Variants in KNG1 observed in about 807,000 individuals in gnomAD.
KNG1 encodes kininogen-1.
KNG1 carries 23 observed loss-of-function variants against 47.8 expected under a neutral mutation model. The observed-to-expected ratio is 0.48, with a 90% CI of 0.35 to 0.68. KNG1 has a LOEUF of 0.68. KNG1 is among the 30% of genes least tolerant of loss of function. The pLI is 0.01. For missense variants in KNG1, 762 were observed against 790.2 expected, an observed-to-expected ratio of 0.96 and a Z score of 0.43; for synonymous variants, 277 against 277.0, an observed-to-expected ratio of 1.00 and a Z score of 0.00.
At position 186,742,032 on chromosome 3, in the gene KNG1, A is replaced by G; in HGVS notation, c.1636A>G (p.Thr546Ala). Residue 546 changes from threonine (T) to alanine (A), a missense_variant, in exon 10 of 10, where the codon ACA (threonine) becomes GCA (alanine). Physicochemically the swap from Thr to Ala is moderately conservative, Grantham distance 58 (BLOSUM62 0). Transcript: ENST00000644859. Reference sequence around the variant, plus strand: ...GACACAAGAGAAGACAGAAGGGCCAACACCCATCCCTTCCCTAGCCAAGCC... The same window carrying G: ...GACACAAGAGAAGACAGAAGGGCCAGCACCCATCCCTTCCCTAGCCAAGCC... ...AQTQEKTEGP[T>A]PIPSLAKPGV... 1 of 1,614,116 alleles carries G rather than the reference A, an allele frequency of 6.2e-7. No individual in the cohort carries two copies. Among genetic ancestry groups the G allele is most frequent in the Non-Finnish European group, 8.5e-7 (1 of 1,179,964 alleles).
At chr3:186,727,042 T>TGTG (rs376637646) in intron 4 of KNG1, among the ~76,000 whole-genome samples, 195 bp from the exon 5 acceptor site, 40,613 of 143,788 alleles carry the variant, frequency 0.28, 6,338 homozygotes, top group Middle Eastern at 0.42. Context: ...GTGTGTGTGT[T>TGTG]TGTGTGAGAG....
chr3:186,730,470 A>G (rs1418154117), intron 5 of KNG1, among the ~76,000 whole-genome samples: 1 of 151,448 alleles, frequency 6.6e-6, no homozygotes, highest in Non-Finnish European at 1.5e-5. Context: ...CCTGGCCAAC[A>G]TGGCAAAACC....
Position 186,741,532 on chromosome 3 carries a change from T to A in KNG1, c.1136T>A (p.Met379Lys), listed in dbSNP as rs765933558. 1 of 1,609,962 alleles carries A rather than the reference T, an allele frequency of 6.2e-7. No individual in the cohort carries two copies. ...ATATTTTCTGTTTAGATCTCACTGA[T>A]GAAAAGGCCTCCAGGTTTTTCACCT... is the stretch of plus-strand genomic sequence containing the variant. ...NCQPLGMISLMKRPPGFSPFR... is the reference protein window; with the variant it reads ...NCQPLGMISLKKRPPGFSPFR... Residue 379 changes from methionine (M) to lysine (K), a missense_variant, in exon 10 of 10, where the codon ATG (methionine) becomes AAG (lysine). Met to Lys is a moderately conservative substitution (Grantham distance 95, BLOSUM62 -1). Coordinates refer to ENST00000644859, the MANE Select transcript of KNG1 (RefSeq NM_001102416.3).
rs774342747 is a variant in KNG1 at position 186,725,235 on chromosome 3, A to G, written c.539A>G (p.Asn180Ser). The G allele has an allele frequency of 6.2e-7, 1 of 1,614,150 alleles. No homozygotes were observed. ...NTQHSSLFML[N>S]EVKRAQRQVV... ...CAACATTCCTCCCTCTTCATGCTTAATGAAGTAAAACGGGCCCAAAGACAG... is the reference window on the plus strand; with the variant it reads ...CAACATTCCTCCCTCTTCATGCTTAGTGAAGTAAAACGGGCCCAAAGACAG... Residue 180 changes from asparagine (N) to serine (S), a missense_variant, in exon 4 of 10, where the codon AAT (asparagine) becomes AGT (serine). By Grantham distance (46) the Asn-to-Ser change is conservative. Coordinates refer to ENST00000644859, the MANE Select transcript of KNG1 (RefSeq NM_001102416.3).
intron 7 of KNG1, 131 bp from the exon 8 acceptor site, chr3:186,738,968 T>C: frequency 6.5e-6 from 5 of 768,492 alleles, no homozygotes; most frequent in Non-Finnish European, 1.1e-5. Flanking sequence ...GCCAAACGTG[T>C]ACTTTTTTGT....
At position 186,741,826 on chromosome 3, in the gene KNG1, T is replaced by G. The variant is rs1188797150; in HGVS notation, c.1430T>G (p.Phe477Cys). 7 of 1,613,646 alleles carry G rather than the reference T, an allele frequency of 4.3e-6. No homozygotes were observed. The highest frequency in any genetic ancestry group is 4.5e-5 in the East Asian group (2 of 44,888). ...QQHGLGHGHK[F>C]KLDDDLEHQG... ...CATGGTCTTGGTCATGGACATAAGT[T>G]CAAACTTGATGATGATCTTGAACAC... The change falls in exon 10 of 10, where the codon TTC (phenylalanine) becomes TGC (cysteine). Residue 477 changes from phenylalanine (F) to cysteine (C), a missense_variant. Transcript: ENST00000644859.
At chr3:186,720,805 T>TTGG (rs1553790785) in intron 2 of KNG1, among the ~76,000 whole-genome samples, 1 of 139,986 alleles carries the variant, frequency 7.1e-6, no homozygotes, top group African/African-American at 2.8e-5. Flanking sequence ...TTTTTTTTTT[T>TTGG]TTGAGCCAGA....
At chr3:186,722,226 C>A in intron 2 of KNG1, 1 of 556,724 alleles carries the variant, frequency 1.8e-6, no homozygotes, top group Admixed American at 3.0e-5. Context: ...CACTGTCTTT[C>A]CTCCAGCATC....
At chr3:186,731,476 C>A in intron 5 of KNG1, 69 bp from the exon 6 acceptor site, 1 of 874,208 alleles carries the variant, frequency 1.1e-6, no homozygotes, top group Non-Finnish European at 1.9e-6. Flanking sequence ...TTCAATTTTA[C>A]TAGTTGTTTA....
At chr3:186,729,706 C>T (rs1422298684) in intron 5 of KNG1, among the ~76,000 whole-genome samples, 1 of 148,728 alleles carries the variant, frequency 6.7e-6, no homozygotes, top group Non-Finnish European at 1.5e-5. Flanking sequence ...GAGTTTTGGT[C>T]TTGTTGCCCA....
At chr3:186,740,258 G>T (rs1720773497) in intron 9 of KNG1, among the ~76,000 whole-genome samples, 1 of 152,112 alleles carries the variant, frequency 6.6e-6, no homozygotes, top group Non-Finnish European at 1.5e-5. Flanking sequence ...AAATTAGAAA[G>T]ACTCTGAGGT....
At chr3:186,719,874 C>G (rs1436155307) in intron 1 of KNG1, among the ~76,000 whole-genome samples, 1 of 152,088 alleles carries the variant, frequency 6.6e-6, no homozygotes, top group African/African-American at 2.4e-5. Flanking sequence ...CCAGTTTTGA[C>G]AAAAATGGGC....
Position 186,741,871 on chromosome 3 carries a change from A to G in KNG1, c.1475A>G (p.Asp492Gly). ...DLEHQGGHVLDHGHKHKHGHG... is the reference protein window; with the variant it reads ...DLEHQGGHVLGHGHKHKHGHG... ...GAACACCAAGGGGGCCATGTCCTTGACCATGGACATAAGCATAAGCATGGT... is the reference window on the plus strand; with the variant it reads ...GAACACCAAGGGGGCCATGTCCTTGGCCATGGACATAAGCATAAGCATGGT... Residue 492 changes from aspartate to glycine, a missense_variant, in exon 10 of 10, where the codon GAC becomes GGC. Transcript: ENST00000644859. 2 of 1,613,844 alleles carry G rather than the reference A, an allele frequency of 1.2e-6. No individual in the cohort carries two copies. Among genetic ancestry groups the G allele is most frequent in the Non-Finnish European group, 1.7e-6 (2 of 1,179,778 alleles).
chr3:186,742,728 A>C lies in KNG1; in HGVS notation c.*397A>C. The C allele has an allele frequency of 9.6e-7, 1 of 1,039,306 alleles. No homozygotes were observed. Among genetic ancestry groups the C allele is most frequent in the Non-Finnish European group, 1.2e-6 (1 of 863,544 alleles). 64.4% of individuals were successfully genotyped at this position (1,039,306 alleles called of 1,614,324 possible). ...TGGTATTTGAATGTGTGTGAAAATAAGGGAAGTCAAGAGATTAAATGCTGA... is the reference window on the plus strand; with the variant it reads ...TGGTATTTGAATGTGTGTGAAAATACGGGAAGTCAAGAGATTAAATGCTGA... On this transcript the variant is annotated 3_prime_UTR_variant, in exon 10 of 10. Coordinates refer to ENST00000644859, the MANE Select transcript of KNG1 (RefSeq NM_001102416.3).
rs984930753 is a variant in KNG1 at position 186,739,151 on chromosome 3, G to A, written c.983G>A (p.Cys328Tyr). ...GACTTCGTGGCCAGGGAAACCACATGTTCCAAGGAAAGTAATGAAGAGTTG... is the reference window on the plus strand; with the variant it reads ...GACTTCGTGGCCAGGGAAACCACATATTCCAAGGAAAGTAATGAAGAGTTG... ...FIDFVARETT[C>Y]SKESNEELTE... The change falls in exon 8 of 10, where the codon TGT becomes TAT. Residue 328 changes from cysteine (C) to tyrosine (Y), a missense_variant. By Grantham distance (194) the Cys-to-Tyr change is radical. Coordinates refer to ENST00000644859, the MANE Select transcript of KNG1 (RefSeq NM_001102416.3). The A allele has an allele frequency of 2.5e-6, 4 of 1,614,162 alleles. No individual in the cohort carries two copies. The highest frequency in any genetic ancestry group is 3.4e-6 in the Non-Finnish European group (4 of 1,180,004).
intron 7 of KNG1, among the ~76,000 whole-genome samples, chr3:186,734,390 G>A (rs1720617142): frequency 6.6e-6 from 1 of 151,940 alleles, no homozygotes; most frequent in Non-Finnish European, 1.5e-5. Context: ...AATGTCTTGT[G>A]TTATAATATT....
At chr3:186,727,411 GC>G in intron 5 of KNG1, 67 bp downstream of exon 5, 5 of 1,011,550 alleles carry the variant, frequency 4.9e-6, no homozygotes, top group Non-Finnish European at 7.9e-6. Context: ...TAACTATCAA[GC>G]TGGGTGGGAA....
chr3:186,723,362 T>C (rs997945861), intron 3 of KNG1, among the ~76,000 whole-genome samples: 2 of 152,194 alleles, frequency 1.3e-5, no homozygotes, highest in African/African-American at 4.8e-5. Context: ...TAGAACGTAT[T>C]TCTTCTATCT....
In KNG1 at chr3:186,717,560, C is replaced by T; in HGVS notation, c.18C>T (p.Ile6=). The part of the protein sequence containing the change: MKLIT[I]LFLCSRLLLS... ...GTTAGATCATGAAACTAATTACCAT[C>T]CTTTTCCTCTGCTCCAGGCTGCTAC... Residue 6 remains isoleucine (I), a synonymous_variant, in exon 1 of 10, where the codon ATC becomes ATT. Transcript: ENST00000644859. 6.2e-7 allele frequency: 1 copy of T among 1,611,440 alleles called. No homozygotes were observed. Among genetic ancestry groups the T allele is most frequent in the Non-Finnish European group, 8.5e-7 (1 of 1,178,370 alleles).
Sources: gnomAD v4.1 joint callset for allele counts (sites outside exome capture counted in the v4.1 genomes callset) on GRCh38, gnomAD v4.1.1 for gene constraint, MANE v1.5 for transcripts, NCBI Gene and HGNC (gene_info 2026-07-23, HGNC 2026-07-21) for gene names.